GRIP2: variants seen among roughly 807,000 people sequenced by gnomAD.
The protein encoded by GRIP2 is glutamate receptor-interacting protein 2.
A neutral mutation model predicts 108.3 loss-of-function variants in GRIP2; 58 were observed. The observed-to-expected ratio is 0.54, with a 90% CI of 0.43 to 0.67. The LOEUF (loss-of-function observed/expected upper bound fraction) is 0.67. Ranked by LOEUF, GRIP2 falls within the 30% of genes least tolerant of loss-of-function variation. The probability of loss-of-function intolerance (pLI) is 0.00; values close to 1 mark genes in which losing one functional copy is unlikely to be tolerated. For missense variants in GRIP2, 1,278 were observed against 1,430.6 expected, an observed-to-expected ratio of 0.89 and a Z score of 1.72; for synonymous variants, 586 against 598.2, an observed-to-expected ratio of 0.98 and a Z score of 0.30.
chr3:14,566,599 C>T, the GRIP2 span, among the ~76,000 whole-genome samples: 2 of 152,210 alleles, frequency 1.3e-5, no homozygotes, highest in African/African-American at 2.4e-5. Context: ...AGGCGATCAA[C>T]ATCATTGGAC....
At chr3:14,514,582 GGAAGTGGGAGCC>G (rs1694197208) in intron 11 of GRIP2, 104 bp from the exon 12 acceptor site, 21 of 1,191,466 alleles carry the variant, frequency 1.8e-5, no homozygotes, top group Non-Finnish European at 2.3e-5. Flanking sequence ...CAGAGTGCAA[GGAAGTGGGAGCC>G]CTGACTCAGT....
chr3:14,506,225 G>GC (rs1270577108), intron 19 of GRIP2, among the ~76,000 whole-genome samples: 7 of 152,150 alleles, frequency 4.6e-5, no homozygotes, highest in Non-Finnish European at 7.4e-5. Flanking sequence ...TAGAGGCCTC[G>GC]CCCCCCCTAC....
At chr3:14,515,588 C>T (rs1694226021) in intron 11 of GRIP2, among the ~76,000 whole-genome samples, 2 of 151,720 alleles carry the variant, frequency 1.3e-5, no homozygotes, top group African/African-American at 4.8e-5. Context: ...TTATACATTA[C>T]AAAATGTGTA....
At chr3:14,496,075 G>T (rs2124832205) in intron 22 of GRIP2, among the ~76,000 whole-genome samples, 1 of 152,212 alleles carries the variant, frequency 6.6e-6, no homozygotes. Flanking sequence ...AACCCAGGAG[G>T]TCAGGGCCGC....
chr3:14,521,374 A>C lies in GRIP2; in HGVS notation c.712+268T>G. The C allele has an allele frequency of 2.4e-6, 1 of 411,942 alleles. No homozygotes were observed. The allele number at this position is 411,942 out of a possible 1,614,324, so 25.5% of individuals were successfully genotyped here. Reference sequence around the variant, plus strand: ...CACTTATTGCCAACTGACATACACCATATCTTATCTATTCTGGATACTGTC... The same window carrying C: ...CACTTATTGCCAACTGACATACACCCTATCTTATCTATTCTGGATACTGTC... On this transcript the variant is annotated intron_variant, in intron 7 of 23. Transcript: ENST00000621039. This position sits in a 1 kb window ranked among gnomAD's most constrained non-coding sequence, Gnocchi z 5.1.
At chr3:14,531,113 C>A (rs1694699899) in intron 1 of GRIP2, 1 of 152,204 alleles carries the variant, frequency 6.6e-6, no homozygotes, top group African/African-American at 2.4e-5. Flanking sequence ...TAAATTCACT[C>A]ATTAATTCTA....
upstream of GRIP2, among the ~76,000 whole-genome samples, chr3:14,543,800 G>A (rs1288559077): frequency 6.6e-6 from 1 of 152,228 alleles, no homozygotes; most frequent in East Asian, 1.9e-4. Flanking sequence ...GCCCCTCTTT[G>A]GTCAGGAGGG....
the GRIP2 span, among the ~76,000 whole-genome samples, chr3:14,575,810 G>T: frequency 1.3e-5 from 2 of 152,252 alleles, no homozygotes; most frequent in Admixed American, 1.3e-4. Flanking sequence ...AGCTTGAGGG[G>T]CGGGCTGGCA....
rs541105367 is a variant in GRIP2, at chr3:14,526,093, C to T, written c.41-162G>A. The T allele has an allele frequency of 2.7e-4, 176 of 651,400 alleles. 1 individual carries two copies. The highest frequency in any genetic ancestry group is 1.2e-3 in the Middle Eastern group (3 of 2,522). The allele number at this position is 651,400 out of a possible 1,614,324, so 40.4% of individuals were successfully genotyped here. Reference sequence around the variant, plus strand: ...TCTCTGCTGGAGAATCCTCACAGCTCCTCCTCCCAAAGAAAGCCTGGCCCC... The same window carrying T: ...TCTCTGCTGGAGAATCCTCACAGCTTCTCCTCCCAAAGAAAGCCTGGCCCC... On this transcript the variant is annotated intron_variant, in intron 1 of 23. Coordinates refer to ENST00000621039, the MANE Select transcript of GRIP2 (RefSeq NM_001080423.4).
At chr3:14,571,302 C>G in the GRIP2 span, among the ~76,000 whole-genome samples, 1 of 152,124 alleles carries the variant, frequency 6.6e-6, no homozygotes, top group Non-Finnish European at 1.5e-5. Flanking sequence ...GTGTTTGCAA[C>G]CCTGGTGTCA....
chr3:14,565,664 G>A, the GRIP2 span, among the ~76,000 whole-genome samples: 1 of 152,196 alleles, frequency 6.6e-6, no homozygotes, highest in African/African-American at 2.4e-5. Context: ...GGCATCCTCA[G>A]TGTAAGTGGC....
rs1312391048 is a variant in GRIP2, at chr3:14,512,997, CAG to C, written c.1640-142_1640-141del. 9.6e-6 allele frequency: 7 copies of C among 728,616 alleles called. No homozygotes were observed. The African/African-American group carries it at 1.0e-4, about 11-fold the overall frequency. The allele number at this position is 728,616 out of a possible 1,614,324, so 45.1% of individuals were successfully genotyped here. A position where few individuals can be genotyped will look rare whatever the true frequency, so the allele number is the denominator to read the frequency against. Reference sequence around the variant, plus strand: ...ATCTCATCCCCCTGCTTCCTCTCAACAGAGGAGGAAACTGAGGCAGAGTGAGC... The same window carrying C: ...ATCTCATCCCCCTGCTTCCTCTCAACAGGAGGAAACTGAGGCAGAGTGAGC... On this transcript the variant is annotated intron_variant, in intron 13 of 23. Coordinates refer to ENST00000621039, the MANE Select transcript of GRIP2 (RefSeq NM_001080423.4). This position sits in a 1 kb window ranked among gnomAD's most constrained non-coding sequence, Gnocchi z 5.1.
At chr3:14,529,457 T>C (rs567235595) in intron 1 of GRIP2, among the ~76,000 whole-genome samples, 1 of 152,330 alleles carries the variant, frequency 6.6e-6, no homozygotes, top group South Asian at 2.1e-4. Flanking sequence ...AATATTTCAA[T>C]ATGCATTTCT....
intron 21 of GRIP2, among the ~76,000 whole-genome samples, chr3:14,499,042 C>A (rs929311477): frequency 2.0e-5 from 3 of 152,134 alleles, no homozygotes; most frequent in Non-Finnish European, 2.9e-5. Flanking sequence ...AATGTCTGCC[C>A]ACAGGGGTAC....
the GRIP2 span, among the ~76,000 whole-genome samples, chr3:14,593,014 C>T: frequency 2.6e-3 from 394 of 152,324 alleles, 1 homozygote; most frequent in Middle Eastern, 0.027. Flanking sequence ...CTCCACTGAT[C>T]GCACCCCTGC....
chr3:14,570,836 T>G, the GRIP2 span, among the ~76,000 whole-genome samples: 3 of 152,198 alleles, frequency 2.0e-5, no homozygotes, highest in Non-Finnish European at 2.9e-5. Flanking sequence ...CAACCTAAAA[T>G]AAAGCTGTAA....
intron 13 of GRIP2, among the ~76,000 whole-genome samples, chr3:14,513,100 C>T (rs11128703): frequency 0.41 from 61,631 of 151,942 alleles, 13,111 homozygotes; most frequent in East Asian, 0.59. Context: ...TCTTGGCTGT[C>T]GGCTAGTGTG....
the GRIP2 span, among the ~76,000 whole-genome samples, chr3:14,582,646 C>T: frequency 0.04 from 6,129 of 152,244 alleles, 434 homozygotes; most frequent in African/African-American, 0.14. Context: ...AGCTTGTTTG[C>T]GCCTCAGGAC....
At chr3:14,496,961 C>G in intron 21 of GRIP2, among the ~76,000 whole-genome samples, 1 of 136,438 alleles carries the variant, frequency 7.3e-6, no homozygotes, top group Non-Finnish European at 1.6e-5. Flanking sequence ...AGTCAAGACT[C>G]TTTTTTTTTT....
Sources: gnomAD v4.1 joint callset for allele counts (sites outside exome capture counted in the v4.1 genomes callset) on GRCh38, gnomAD v4.1.1 for gene constraint, Gnocchi (gnomAD v3.1) non-coding constraint, MANE v1.5 for transcripts, NCBI Gene and HGNC (gene_info 2026-07-23, HGNC 2026-07-21) for gene names.